ZNF425: variants seen among roughly 807,000 people sequenced by gnomAD.
ZNF425 encodes the protein zinc finger protein 425.
In ZNF425, 21 loss-of-function variants were observed where a neutral mutation model predicts 17.0. The observed-to-expected ratio is 1.23, with a 90% CI of 0.88 to 1.78. ZNF425 has a LOEUF of 1.78. Among genes scored for constraint, ZNF425 ranks in the 40% most tolerant of loss-of-function variants. The pLI, the probability that ZNF425 is intolerant of heterozygous loss-of-function variation, is 0.00. For synonymous variants in ZNF425, 433 were observed against 384.1 expected (o/e 1.13, Z -1.49); for missense variants, 868 against 967.3 (o/e 0.90, Z 1.36).
At chr7:149,118,439 A>G in intron 1 of ZNF425, 91 bp from the exon 2 acceptor site, 1 of 1,439,634 alleles carries the variant, frequency 6.9e-7, no homozygotes, top group Non-Finnish European at 9.6e-7. Flanking sequence ...CAGAAAGAAA[A>G]CATGTTAATT....
intron 1 of ZNF425, among the ~76,000 whole-genome samples, chr7:149,124,451 G>A (rs1305513798): frequency 6.6e-6 from 1 of 152,112 alleles, no homozygotes; most frequent in Admixed American, 6.6e-5. Flanking sequence ...CACCACGTCC[G>A]GATGGCCTTG....
At chr7:149,124,154 G>T (rs963111100) in intron 1 of ZNF425, among the ~76,000 whole-genome samples, 4 of 142,300 alleles carry the variant, frequency 2.8e-5, no homozygotes, top group African/African-American at 1.0e-4. Flanking sequence ...GCCTGGCCTT[G>T]CTATTTATTT....
chr7:149,119,335 G>T (rs1826315384), intron 1 of ZNF425, among the ~76,000 whole-genome samples: 2 of 152,014 alleles, frequency 1.3e-5, no homozygotes. Flanking sequence ...ACAAAAATTA[G>T]CTGGGTGTGG....
chr7:149,109,822 GAATA>G (rs944469009), intron 3 of ZNF425, among the ~76,000 whole-genome samples: 2 of 151,852 alleles, frequency 1.3e-5, no homozygotes, highest in African/African-American at 4.8e-5. Context: ...ATGAGTGAAT[GAATA>G]GACAGTGTCA....
At chr7:149,118,392 T>C (rs1826301655) in intron 1 of ZNF425, 44 bp from the exon 2 acceptor site, 1 of 1,608,062 alleles carries the variant, frequency 6.2e-7, no homozygotes, top group African/African-American at 1.3e-5. Flanking sequence ...ACTTTACGGC[T>C]ACTTTGTTTT....
rs1236660055 is a variant in ZNF425 at position 149,104,242 on chromosome 7, C to T, written c.1629G>A (p.Glu543=). 1.9e-6 allele frequency: 3 copies of T among 1,613,688 alleles called. No homozygotes were observed. The highest frequency in any genetic ancestry group is 2.5e-6 in the Non-Finnish European group (3 of 1,179,850). ...CCTCGCCACTGTGAAGCCTCGTGTG[C>T]TCTGTGAGATGCGCGCGTCGGCGGA... ...RSFRRRAHLT[E]HTRLHSGEEP... Residue 543 remains glutamate, a synonymous_variant, in exon 4 of 4, where the codon GAG becomes GAA. Transcript: ENST00000378061. The surrounding 1 kb of genome is among the most constrained non-coding windows in gnomAD (Gnocchi z 4.3).
Position 149,104,287 on chromosome 7 carries a change from G to A in ZNF425, c.1584C>T (p.Cys528=), listed in dbSNP as rs375731257. Reference sequence around the variant, plus strand: ...GGCGGAAACTGCGGCCGCACTCGGCGCAGGAGAACGGCTTTTCCGTGGTGT... The same window carrying A: ...GGCGGAAACTGCGGCCGCACTCGGCACAGGAGAACGGCTTTTCCGTGGTGT... ...KVHTTEKPFS[C]AECGRSFRRR... The change falls in exon 4 of 4, where the codon TGC becomes TGT. Residue 528 remains cysteine, a synonymous_variant. Coordinates refer to ENST00000378061, the MANE Select transcript of ZNF425 (RefSeq NM_001001661.3). This position sits in a 1 kb window ranked among gnomAD's most constrained non-coding sequence, Gnocchi z 4.3. The A allele has an allele frequency of 4.3e-5, 70 of 1,613,520 alleles. 1 individual carries two copies. The East Asian group carries it at 6.7e-4, about 15-fold the overall frequency.
chr7:149,118,373 T>A, intron 1 of ZNF425, 25 bp from the exon 2 acceptor site: 1 of 1,611,720 alleles, frequency 6.2e-7, no homozygotes, highest in Non-Finnish European at 8.5e-7. Flanking sequence ...AGTATACACA[T>A]ACATTTTTAC....
In ZNF425 at chr7:149,104,318, T is replaced by C. The variant is rs775638222; in HGVS notation, c.1553A>G (p.Lys518Arg). 8 of 1,613,016 alleles carry C rather than the reference T, an allele frequency of 5.0e-6. No homozygotes were observed. In the Admixed American group the frequency reaches 1.3e-4, roughly 27 times the overall value. Residue 518 changes from lysine (K) to arginine (R), a missense_variant, in exon 4 of 4, where the codon AAG becomes AGG. Around this residue, in one of 5 missense-constraint regions of ZNF425, gnomAD observed 437 missense variants for 444.2 expected, o/e 0.98. Coordinates refer to ENST00000378061, the MANE Select transcript of ZNF425 (RefSeq NM_001001661.3). The surrounding 1 kb of genome is among the most constrained non-coding windows in gnomAD (Gnocchi z 4.3). ...SQQSRLTQHL[K>R]VHTTEKPFSC... is the part of the protein sequence containing the mutation. ...GAACGGCTTTTCCGTGGTGTGGACCTTCAGGTGCTGCGTGAGCCGCGACTG... is the reference window on the plus strand; with the variant it reads ...GAACGGCTTTTCCGTGGTGTGGACCCTCAGGTGCTGCGTGAGCCGCGACTG...
chr7:149,109,553 C>T (rs910338370), intron 3 of ZNF425, among the ~76,000 whole-genome samples: 2 of 152,140 alleles, frequency 1.3e-5, no homozygotes, highest in Non-Finnish European at 2.9e-5. Context: ...GCTCCTTCTC[C>T]TCTAAATCCC....
chr7:149,123,086 G>A (rs768845336), intron 1 of ZNF425, among the ~76,000 whole-genome samples: 25 of 152,114 alleles, frequency 1.6e-4, no homozygotes, highest in Non-Finnish European at 3.2e-4. Context: ...ATTTTAACAG[G>A]GGTGTTTCAA....
Position 149,105,222 on chromosome 7 carries a change from G to A in ZNF425, c.649C>T (p.Leu217Phe). Residue 217 changes from leucine (L) to phenylalanine (F), a missense_variant, in exon 4 of 4, where the codon CTC (leucine) becomes TTC (phenylalanine). By Grantham distance (22) the Leu-to-Phe change is conservative. Transcript: ENST00000378061. Reference protein sequence around the residue: ...KHKRSHSKSQLCRYPKYKNSS... With the variant: ...KHKRSHSKSQFCRYPKYKNSS... ...TTTTTGTACTTTGGGTATCTGCAGA[G>A]CTGGCTCTTGGAGTGGCTCCGTTTG... 6.2e-7 allele frequency: 1 copy of A among 1,614,244 alleles called. No individual in the cohort carries two copies. Among genetic ancestry groups the A allele is most frequent in the Non-Finnish European group, 8.5e-7 (1 of 1,180,054 alleles).
At position 149,105,399 on chromosome 7, in the gene ZNF425, C is replaced by CT; in HGVS notation, c.471dup (p.Val158SerfsTer7). ...TCTGGATCATATGCTGTGATGCTGA[C>CT]TTTTTTATTTAGAATCTCTGTTTCT... is the stretch of plus-strand genomic sequence containing the variant. On this transcript the variant is annotated frameshift_variant, in exon 4 of 4. Transcript: ENST00000378061. LOFTEE classifies it low-confidence loss of function (END_TRUNC). 1.3e-6 allele frequency: 2 copies of CT among 1,581,756 alleles called. No individual in the cohort carries two copies. The highest frequency in any genetic ancestry group is 1.7e-6 in the Non-Finnish European group (2 of 1,167,746).
intron 1 of ZNF425, among the ~76,000 whole-genome samples, chr7:149,124,010 G>T (rs1346117824): frequency 6.6e-6 from 1 of 150,570 alleles, no homozygotes; most frequent in Non-Finnish European, 1.5e-5. Context: ...ACCACACCCG[G>T]CTAATTTTTT....
chr7:149,126,180 C>T lies in ZNF425; in HGVS notation c.18+16G>A. On this transcript the variant is annotated intron_variant, in intron 1 of 3. Coordinates refer to ENST00000378061, the MANE Select transcript of ZNF425 (RefSeq NM_001001661.3). Reference sequence around the variant, plus strand: ...GAGTTTCGACAGAGCCTGCATCCTCCACCGGCCCTTCTTACCGAAGCCGGC... The same window carrying T: ...GAGTTTCGACAGAGCCTGCATCCTCTACCGGCCCTTCTTACCGAAGCCGGC... 6.2e-7 allele frequency: 1 copy of T among 1,613,288 alleles called. No homozygotes were observed. Among genetic ancestry groups the T allele is most frequent in the Non-Finnish European group, 8.5e-7 (1 of 1,179,688 alleles).
At chr7:149,118,049 A>G in intron 2 of ZNF425, among the ~76,000 whole-genome samples, 173 bp downstream of exon 2, 1 of 152,132 alleles carries the variant, frequency 6.6e-6, no homozygotes, top group East Asian at 1.9e-4. Flanking sequence ...CAAAGATACC[A>G]CTGGATAAAA....
At chr7:149,117,133 G>A (rs917601770) in intron 2 of ZNF425, among the ~76,000 whole-genome samples, 5 of 151,862 alleles carry the variant, frequency 3.3e-5, no homozygotes, top group South Asian at 2.1e-4. Flanking sequence ...GCGCGGTGGC[G>A]GGCACCTGTA....
intron 1 of ZNF425, chr7:149,125,751 C>T (rs907860037): frequency 1.2e-5 from 3 of 244,536 alleles, no homozygotes; most frequent in African/African-American, 2.3e-5. Context: ...GGCGCGATCC[C>T]ACTAACGATC....
chr7:149,114,926 CTTTTCT>C lies in ZNF425; in HGVS notation c.146-2637_146-2632del, dbSNP rs1267555382. Among the ~76,000 whole-genome samples, 298 of 131,446 alleles carry C rather than the reference CTTTTCT, an allele frequency of 2.3e-3. 1 individual carries two copies. Among genetic ancestry groups the C allele is most frequent in the African/African-American group, 8.6e-3 (285 of 33,254 alleles). 86.2% of individuals were successfully genotyped at this position (131,446 alleles called of 152,430 possible). A position where few individuals can be genotyped will look rare whatever the true frequency, so the allele number is the denominator to read the frequency against. ...CCAAAATTCTTTTTTTCTTTTCTTT[CTTTTCT>C]TTTTTTTTTTTTTTTTTTTTGAGAC... is the stretch of plus-strand genomic sequence containing the variant. On this transcript the variant is annotated intron_variant, in intron 2 of 3. Transcript: ENST00000378061.
Sources: allele counts gnomAD v4.1 joint callset (sites outside exome capture counted in the v4.1 genomes callset), GRCh38; gene constraint gnomAD v4.1.1; regional missense constraint gnomAD v4.1.1; non-coding constraint Gnocchi (gnomAD v3.1); transcripts MANE v1.5; gene names NCBI Gene and HGNC (gene_info 2026-07-23, HGNC 2026-07-21).